The following TRRAP variants were observed in gnomAD, a reference collection of about 807,000 sequenced individuals.
The protein encoded by TRRAP is transformation/transcription domain associated protein, also known as transformation/transcription domain-associated protein.
TRRAP carries 41 observed loss-of-function variants against 438.8 expected under a neutral mutation model. That is an observed-to-expected ratio of 0.09 (90% CI 0.07 to 0.12). The LOEUF is 0.12. Among genes scored for constraint, TRRAP ranks in the 10% least tolerant of loss-of-function variants. The probability of loss-of-function intolerance (pLI) is 1.00; values close to 1 mark genes in which losing one functional copy is unlikely to be tolerated. For synonymous variants in TRRAP, 1,994 were observed against 1,962.9 expected, an observed-to-expected ratio of 1.02 and a Z score of -0.42; for missense variants, 3,122 against 5,055.1, an observed-to-expected ratio of 0.62 and a Z score of 11.60.
chr7:98,883,182 T>C (rs1584262127), intron 3 of TRRAP, among the ~76,000 whole-genome samples: 1 of 152,246 alleles, frequency 6.6e-6, no homozygotes, highest in South Asian at 2.1e-4. Flanking sequence ...TTTTTTCTTT[T>C]TGTCCTTTAG....
chr7:98,885,586 C>G (rs1025262918), intron 3 of TRRAP, among the ~76,000 whole-genome samples: 7 of 151,198 alleles, frequency 4.6e-5, no homozygotes, highest in Non-Finnish European at 1.0e-4. Flanking sequence ...TTGAGCTGAG[C>G]TAGAAAAAAA....
rs782322395 is a variant in TRRAP at position 98,933,372 on chromosome 7, C to T, written c.3984C>T (p.Asn1328=). 1.7e-5 allele frequency: 28 copies of T among 1,613,950 alleles called. No homozygotes were observed. Among genetic ancestry groups the T allele is most frequent in the Non-Finnish European group, 2.2e-5 (26 of 1,179,986 alleles). ...LQPRLFTMDL[N]VVEHKVFYTE... Reference sequence around the variant, plus strand: ...CCAGGCTCTTCACAATGGACCTTAACGTGGTGGAGCATAAGGTGTTCTACA... The same window carrying T: ...CCAGGCTCTTCACAATGGACCTTAATGTGGTGGAGCATAAGGTGTTCTACA... Residue 1328 remains asparagine, a synonymous_variant, in exon 27 of 73, where the codon AAC becomes AAT. Transcript: ENST00000456197.
intron 63 of TRRAP, among the ~76,000 whole-genome samples, chr7:98,989,753 C>T (rs970332972): frequency 1.3e-5 from 2 of 152,206 alleles, no homozygotes; most frequent in Non-Finnish European, 2.9e-5. Context: ...AGCCTGTGGC[C>T]TACCTGTTGC....
At position 99,005,354 on chromosome 7, in the gene TRRAP, G is replaced by T. The variant is rs140472126; in HGVS notation, c.10753+6G>T. 1,845 of 1,613,834 alleles carry T rather than the reference G, an allele frequency of 1.1e-3. 1 individual carries two copies. Among genetic ancestry groups the T allele is most frequent in the Non-Finnish European group, 1.5e-3 (1,735 of 1,179,956 alleles). ...GAGGCACTTGTTTTTCACAGGTAGGGTTGAGAGCCACAGCTCGCTGGGTAC... is the reference window on the plus strand; with the variant it reads ...GAGGCACTTGTTTTTCACAGGTAGGTTTGAGAGCCACAGCTCGCTGGGTAC... On this transcript the variant is annotated splice_donor_region_variant and intron_variant, in intron 69 of 72. Coordinates refer to ENST00000456197, the MANE Select transcript of TRRAP (RefSeq NM_001375524.1). This position sits in a 1 kb window ranked among gnomAD's most constrained non-coding sequence, Gnocchi z 5.1.
intron 62 of TRRAP, 34 bp from the exon 63 acceptor site, chr7:98,988,731 A>G (rs1793259589): frequency 1.2e-6 from 2 of 1,607,892 alleles, no homozygotes; most frequent in Non-Finnish European, 1.7e-6. Context: ...TCAATTGAAA[A>G]CCATACACGT....
At position 98,930,032 on chromosome 7, in the gene TRRAP, C is replaced by T; in HGVS notation, c.3219C>T (p.Ser1073=). ...GCTACCAGGTGGGCAGCCAGCCCAG[C>T]ACAGCCATGTTTCACAGTGAAGAAA... ...LPCYQVGSQP[S]TAMFHSEENG... The change falls in exon 24 of 73, where the codon AGC becomes AGT. Residue 1073 remains serine (S), a synonymous_variant. Coordinates refer to ENST00000456197, the MANE Select transcript of TRRAP (RefSeq NM_001375524.1). The T allele has an allele frequency of 6.2e-7, 1 of 1,614,206 alleles. No homozygotes were observed. The highest frequency in any genetic ancestry group is 8.5e-7 in the Non-Finnish European group (1 of 1,180,040).
rs1189906398 is a variant in TRRAP at position 98,908,089 on chromosome 7, G to T, written c.1116-639G>T. Among the ~76,000 whole-genome samples the T allele has an allele frequency of 3.3e-5, 5 of 152,294 alleles. No individual in the cohort carries two copies. Among genetic ancestry groups the T allele is most frequent in the Middle Eastern group, 3.4e-3 (1 of 294 alleles). The stretch of plus-strand genomic sequence containing the variant: ...ATCTCAACTTCAGTGCCACCTCAAA[G>T]GAACTGTCCCTGGAACCCTGTTTAA... On this transcript the variant is annotated intron_variant, in intron 13 of 72. Coordinates refer to ENST00000456197, the MANE Select transcript of TRRAP (RefSeq NM_001375524.1). This position sits in a 1 kb window ranked among gnomAD's most constrained non-coding sequence, Gnocchi z 4.1.
At chr7:98,909,992 G>A in intron 14 of TRRAP, 64 bp from the exon 15 acceptor site, 1 of 1,508,302 alleles carries the variant, frequency 6.6e-7, no homozygotes, top group Non-Finnish European at 8.8e-7. Flanking sequence ...TGTGATCTGA[G>A]CAGTATTTGG....
chr7:98,959,226 T>G, intron 44 of TRRAP, 118 bp from the exon 45 acceptor site: 4 of 1,373,712 alleles, frequency 2.9e-6, no homozygotes, highest in Non-Finnish European at 4.0e-6. Flanking sequence ...GAGGTGGCTG[T>G]GAGGTGAAGA....
At chr7:98,921,978 C>A (rs375990332) in intron 21 of TRRAP, 25 bp downstream of exon 21, 7 of 1,613,948 alleles carry the variant, frequency 4.3e-6, no homozygotes, top group Non-Finnish European at 5.9e-6. Context: ...AATGTCGTTT[C>A]GTTTTAAGCC....
chr7:98,892,614 A>G, intron 5 of TRRAP, 86 bp downstream of exon 5: 2 of 1,164,586 alleles, frequency 1.7e-6, no homozygotes, highest in Middle Eastern at 2.9e-4. Context: ...GCATTATACA[A>G]CTGTTTTATC....
At chr7:99,004,648 G>A (rs1231321751) in intron 68 of TRRAP, among the ~76,000 whole-genome samples, 1 of 152,134 alleles carries the variant, frequency 6.6e-6, no homozygotes, top group African/African-American at 2.4e-5. Flanking sequence ...ACCTTCTTCC[G>A]AGTCACCATA....
intron 53 of TRRAP, among the ~76,000 whole-genome samples, chr7:98,974,331 C>G (rs1382385918): frequency 6.6e-6 from 1 of 152,202 alleles, no homozygotes. Flanking sequence ...GTGAAGTGGT[C>G]AGGTGCCACC....
intron 20 of TRRAP, among the ~76,000 whole-genome samples, chr7:98,920,262 GGAGTTCAA>G (rs2116459994): frequency 6.6e-6 from 1 of 152,234 alleles, no homozygotes; most frequent in African/African-American, 2.4e-5. Context: ...CTGGAGGTGA[GGAGTTCAA>G]GACCAGCCTG....
chr7:98,885,701 A>G (rs1795666628), intron 3 of TRRAP, among the ~76,000 whole-genome samples: 2 of 152,106 alleles, frequency 1.3e-5, no homozygotes, highest in South Asian at 4.1e-4. Context: ...GGTGAGAGGC[A>G]GAAGAGTATA....
chr7:98,963,300 G>T (rs1792002080), intron 47 of TRRAP, among the ~76,000 whole-genome samples: 1 of 152,154 alleles, frequency 6.6e-6, no homozygotes. Flanking sequence ...CTCTCTTCAG[G>T]CAGCAGCTGG....
chr7:98,927,129 T>G (rs782152051), intron 22 of TRRAP, 38 bp from the exon 23 acceptor site: 3 of 1,611,598 alleles, frequency 1.9e-6, no homozygotes, highest in Non-Finnish European at 2.5e-6. Context: ...AGCTCAGGAG[T>G]TGGGTGTCGT....
At chr7:98,882,449 G>A (rs1401801478) in intron 3 of TRRAP, among the ~76,000 whole-genome samples, 2 of 146,030 alleles carry the variant, frequency 1.4e-5, no homozygotes, top group Non-Finnish European at 3.0e-5. Flanking sequence ...TGTAACCTCT[G>A]CCTTCCGGGT....
Position 98,994,793 on chromosome 7 carries a change from G to T in TRRAP, c.10254G>T (p.Ala3418=), listed in dbSNP as rs1365277272. ...CCTCTGAGTCTCTGGCCCGGCGGGC[G>T]CAGGCCACTGCACAAGACCCTGTCT... The part of the protein sequence containing the change: ...SAASESLARR[A]QATAQDPVFQ... Residue 3418 remains alanine (A), a synonymous_variant, in exon 67 of 73, where the codon GCG becomes GCT. Coordinates refer to ENST00000456197, the MANE Select transcript of TRRAP (RefSeq NM_001375524.1). This position sits in a 1 kb window ranked among gnomAD's most constrained non-coding sequence, Gnocchi z 4.8. The T allele has an allele frequency of 8.1e-6, 13 of 1,614,120 alleles. No individual in the cohort carries two copies. Among genetic ancestry groups the T allele is most frequent in the East Asian group, 4.5e-5 (2 of 44,884 alleles).
Sources: gnomAD v4.1 joint callset for allele counts (sites outside exome capture counted in the v4.1 genomes callset) on GRCh38, gnomAD v4.1.1 for gene constraint, Gnocchi (gnomAD v3.1) non-coding constraint, MANE v1.5 for transcripts, NCBI Gene and HGNC (gene_info 2026-07-23, HGNC 2026-07-21) for gene names.